HDLBP: variants seen among roughly 807,000 people sequenced by gnomAD.
HDLBP encodes high density lipoprotein binding protein.
A neutral mutation model predicts 137.3 loss-of-function variants in HDLBP; 30 were observed. The observed-to-expected ratio is 0.22, with a 90% CI of 0.16 to 0.30. The LOEUF is 0.30. Ranked by LOEUF, HDLBP falls within the 10% of genes least tolerant of loss-of-function variation. The pLI, the probability that HDLBP is intolerant of heterozygous loss-of-function variation, is 1.00. For missense variants in HDLBP, 1,119 were observed against 1,667.3 expected, an observed-to-expected ratio of 0.67 and a Z score of 5.73; for synonymous variants, 606 against 596.0, an observed-to-expected ratio of 1.02 and a Z score of -0.24.
rs778450261 is a variant in HDLBP, at chr2:241,233,756, C to G, written c.3288+64G>C. 3.1e-6 allele frequency: 5 copies of G among 1,599,126 alleles called. No individual in the cohort carries two copies. The highest frequency in any genetic ancestry group is 4.3e-6 in the Non-Finnish European group (5 of 1,169,512). On this transcript the variant is annotated intron_variant, in intron 24 of 27. Transcript: ENST00000310931. This position sits in a 1 kb window ranked among gnomAD's most constrained non-coding sequence, Gnocchi z 4.3. Reference sequence around the variant, plus strand: ...CATCTAGGCACATCTGGTTACTGCTCCCAAGTCACAGGAAAGGTCAACAAG... The same window carrying G: ...CATCTAGGCACATCTGGTTACTGCTGCCAAGTCACAGGAAAGGTCAACAAG...
rs776716836 is a variant in HDLBP at position 241,256,220 on chromosome 2, C to T, written c.837G>A (p.Gln279=). 1 of 1,614,076 alleles carries T rather than the reference C, an allele frequency of 6.2e-7. No homozygotes were observed. Among genetic ancestry groups the T allele is most frequent in the East Asian group, 2.2e-5 (1 of 44,890 alleles). The change falls in exon 7 of 28, where the codon CAG becomes CAA. Residue 279 remains glutamine (Q), a synonymous_variant. Transcript: ENST00000310931. ...VFTGEKEQLA[Q]AVARIKKIYE... ...AAATCTTCTTGATGCGAGCCACAGC[C>T]TGAGCCAACTGTTCCTTCTCTCCAG...
chr2:241,242,786 G>T, intron 16 of HDLBP, 108 bp from the exon 17 acceptor site: 1 of 981,394 alleles, frequency 1.0e-6, no homozygotes, highest in Non-Finnish European at 1.6e-6. Flanking sequence ...CAGGCCTAGA[G>T]CCCTGGAGAT....
chr2:241,254,145 G>A (rs1254849717), intron 9 of HDLBP, among the ~76,000 whole-genome samples: 1 of 152,128 alleles, frequency 6.6e-6, no homozygotes, highest in Admixed American at 6.6e-5. Flanking sequence ...GGCGCCTGTA[G>A]TGCCAGCTAC....
chr2:241,265,880 C>G (rs2073627429), intron 3 of HDLBP, among the ~76,000 whole-genome samples: 1 of 152,212 alleles, frequency 6.6e-6, no homozygotes. Flanking sequence ...AGGAGGATCC[C>G]AGGCCCCCAG....
chr2:241,286,288 A>G (rs1301394175), intron 1 of HDLBP, among the ~76,000 whole-genome samples: 1 of 152,160 alleles, frequency 6.6e-6, no homozygotes, highest in East Asian at 1.9e-4. Flanking sequence ...AAAGGAAAAT[A>G]AATCTTGGGG....
Position 241,229,857 on chromosome 2 carries a change from G to C in HDLBP, c.3696C>G (p.Pro1232=). 6.1e-6 allele frequency: 9 copies of C among 1,465,474 alleles called. No individual in the cohort carries two copies. The highest frequency in any genetic ancestry group is 8.3e-6 in the Non-Finnish European group (9 of 1,090,526). 90.8% of individuals were successfully genotyped at this position (1,465,474 alleles called of 1,614,324 possible). The change falls in exon 27 of 28, where the codon CCC becomes CCG. Residue 1232 remains proline, a synonymous_variant. Transcript: ENST00000310931. ...CCTTCTCACTGCTGCTGGCGGTCCAGGGTGCGTCCCGCACCACAAAGCCTC... is the reference window on the plus strand; with the variant it reads ...CCTTCTCACTGCTGCTGGCGGTCCACGGTGCGTCCCGCACCACAAAGCCTC... ...PSRGFVVRDA[P]WTASSSEKAP...
chr2:241,242,885 G>A (rs766710351), intron 16 of HDLBP: 89 of 583,106 alleles, frequency 1.5e-4, no homozygotes, highest in East Asian at 8.6e-5. Context: ...AGTGGGGTGC[G>A]CCCAGCAGAG....
Position 241,239,809 on chromosome 2 carries a change from C to T in HDLBP, c.2403G>A (p.Val801=), listed in dbSNP as rs1278253270. Residue 801 remains valine (V), a synonymous_variant, in exon 19 of 28, where the codon GTG becomes GTA. Coordinates refer to ENST00000310931, the MANE Select transcript of HDLBP (RefSeq NM_005336.6). The surrounding 1 kb of genome is among the most constrained non-coding windows in gnomAD (Gnocchi z 4.6). ...TGGGGTCCACCAGCATGGAGTCTTC[C>T]ACCACATTATCCTGCAGTGTTAAGA... ...EALIQNLDNV[V]EDSMLVDPKH... 6.2e-7 allele frequency: 1 copy of T among 1,613,808 alleles called. No individual in the cohort carries two copies. Among genetic ancestry groups the T allele is most frequent in the South Asian group, 1.1e-5 (1 of 91,072 alleles).
intron 5 of HDLBP, among the ~76,000 whole-genome samples, chr2:241,262,167 C>T (rs1430212755): frequency 6.6e-6 from 1 of 152,218 alleles, no homozygotes; most frequent in Non-Finnish European, 1.5e-5. Flanking sequence ...CTTGTAATCT[C>T]CTCAATTTGG....
At chr2:241,259,024 C>G (rs978995381) in intron 5 of HDLBP, among the ~76,000 whole-genome samples, 21 of 152,190 alleles carry the variant, frequency 1.4e-4, no homozygotes, top group African/African-American at 5.1e-4. Flanking sequence ...CACACGATTG[C>G]TACTGTAACA....
rs2072616000 is a variant in HDLBP at position 241,256,414 on chromosome 2, A to G, written c.658-15T>C. 1.9e-6 allele frequency: 3 copies of G among 1,591,908 alleles called. No homozygotes were observed. Among genetic ancestry groups the G allele is most frequent in the Non-Finnish European group, 2.6e-6 (3 of 1,167,186 alleles). On this transcript the variant is annotated splice_polypyrimidine_tract_variant and intron_variant, in intron 6 of 27. Coordinates refer to ENST00000310931, the MANE Select transcript of HDLBP (RefSeq NM_005336.6). ...GCACGTTTGTCCTGGAAAGGAAGGG[A>G]TGATCTGATGAGAACAGGCCTTTGA...
At chr2:241,300,982 A>G (rs551855346) in intron 1 of HDLBP, among the ~76,000 whole-genome samples, 7 of 107,788 alleles carry the variant, frequency 6.5e-5, no homozygotes, top group African/African-American at 2.1e-4. Flanking sequence ...TATTATTATT[A>G]TTATTATTAT....
intron 1 of HDLBP, among the ~76,000 whole-genome samples, chr2:241,288,891 A>G (rs1484088054): frequency 6.6e-6 from 1 of 152,128 alleles, no homozygotes; most frequent in African/African-American, 2.4e-5. Context: ...CTCACTATAA[A>G]TCTCATTAAA....
intron 21 of HDLBP, 38 bp downstream of exon 21, chr2:241,236,577 C>A: frequency 6.2e-7 from 1 of 1,607,660 alleles, no homozygotes; most frequent in East Asian, 2.2e-5. Context: ...GCTGACTGGG[C>A]CTTGGCGGGG....
intron 1 of HDLBP, among the ~76,000 whole-genome samples, chr2:241,308,766 CAAT>C (rs1206395194): frequency 1.3e-5 from 2 of 152,184 alleles, no homozygotes; most frequent in Admixed American, 1.3e-4. Flanking sequence ...GTGATAACAA[CAAT>C]ACTTGCCTCC....
At chr2:241,257,239 T>C (rs1392181951) in intron 5 of HDLBP, among the ~76,000 whole-genome samples, 1 of 152,192 alleles carries the variant, frequency 6.6e-6, no homozygotes, top group Non-Finnish European at 1.5e-5. Flanking sequence ...AAGAGATGCG[T>C]TTCTTTTTTT....
intron 1 of HDLBP, among the ~76,000 whole-genome samples, chr2:241,294,694 A>C (rs1331697654): frequency 2.0e-5 from 3 of 152,188 alleles, no homozygotes; most frequent in African/African-American, 7.2e-5. Flanking sequence ...TTTAAACAAA[A>C]CACGAGCCTA....
Position 241,242,695 on chromosome 2 carries a change from G to C in HDLBP, c.1951-17C>G. The C allele has an allele frequency of 1.2e-6, 2 of 1,601,962 alleles. No homozygotes were observed. Among genetic ancestry groups the C allele is most frequent in the Non-Finnish European group, 1.7e-6 (2 of 1,171,234 alleles). On this transcript the variant is annotated splice_polypyrimidine_tract_variant and intron_variant, in intron 16 of 27. Coordinates refer to ENST00000310931, the MANE Select transcript of HDLBP (RefSeq NM_005336.6). ...TATGTTGGCCTGAAACCAAACACAG[G>C]GCAGGAGGAGGAAGTCACATTTTTG...
intron 11 of HDLBP, chr2:241,251,136 T>C (rs2072117150): frequency 6.6e-6 from 1 of 152,046 alleles, no homozygotes; most frequent in Admixed American, 6.6e-5. Flanking sequence ...ATTTTTCTTT[T>C]TTGTAGAGAC....
Sources: allele counts gnomAD v4.1 joint callset (sites outside exome capture counted in the v4.1 genomes callset), GRCh38; gene constraint gnomAD v4.1.1; non-coding constraint Gnocchi (gnomAD v3.1); transcripts MANE v1.5; gene names NCBI Gene and HGNC (gene_info 2026-07-23, HGNC 2026-07-21).